Variants in METTL8 observed in about 807,000 individuals in gnomAD.
METTL8 encodes tRNA N(3)-cytidine methyltransferase METTL8, mitochondrial.
METTL8 carries 32 observed loss-of-function variants against 48.7 expected under a neutral mutation model. The observed-to-expected ratio is 0.66, with a 90% confidence interval of 0.50 to 0.88. The LOEUF is 0.88. METTL8 is among the 40% of genes least tolerant of loss of function. The pLI is 0.00. For synonymous variants in METTL8, 136 were observed against 157.1 expected, an observed-to-expected ratio of 0.87 and a Z score of 1.01; for missense variants, 464 against 474.4, an observed-to-expected ratio of 0.98 and a Z score of 0.20.
intron 3 of METTL8, among the ~76,000 whole-genome samples, chr2:171,352,657 G>T (rs1196766205): frequency 6.6e-6 from 1 of 152,130 alleles, no homozygotes; most frequent in African/African-American, 2.4e-5. Flanking sequence ...CCTGTTATTG[G>T]TCTATTCAGG....
intron 3 of METTL8, among the ~76,000 whole-genome samples, chr2:171,354,449 T>C (rs923344334): frequency 3.3e-5 from 5 of 152,214 alleles, no homozygotes; most frequent in Non-Finnish European, 7.3e-5. Flanking sequence ...GGAGTTGCTC[T>C]TCTCGAGGAG....
intron 3 of METTL8, among the ~76,000 whole-genome samples, chr2:171,357,371 ATTTAAAT>A (rs893643799): frequency 3.9e-5 from 6 of 152,228 alleles, no homozygotes; most frequent in African/African-American, 1.2e-4. Flanking sequence ...AATCAGTAGC[ATTTAAAT>A]ATGCCAACAG....
At chr2:171,401,861 A>G (rs1429324620) in intron 1 of METTL8, among the ~76,000 whole-genome samples, 1 of 152,178 alleles carries the variant, frequency 6.6e-6, no homozygotes, top group Non-Finnish European at 1.5e-5. Flanking sequence ...CTAGGTGAAA[A>G]AAGTAAATCC....
At position 171,322,580 on chromosome 2, in the gene METTL8, C is replaced by CA. The variant is rs75010858; in HGVS notation, c.*1591dup. On this transcript the variant is annotated 3_prime_UTR_variant, in exon 10 of 10. Transcript: ENST00000375258. ...TGAAACCCCGTCTCTACTAAAAATA[C>CA]AAAAAAAAAAAAAATTAGCTGGGCA... The CA allele has an allele frequency of 0.17, 22,730 of 133,672 alleles. 2,083 individuals carry two copies. The highest frequency in any genetic ancestry group is 0.28 in the Middle Eastern group (78 of 274). 8.3% of individuals were successfully genotyped at this position (133,672 alleles called of 1,614,324 possible). A position where few individuals can be genotyped will look rare whatever the true frequency, so the allele number is the denominator to read the frequency against.
rs528272186 is a variant in METTL8 at position 171,316,192 on chromosome 2, G to A, written c.*7980C>T. On this transcript the variant is annotated 3_prime_UTR_variant, in exon 10 of 10. Coordinates refer to ENST00000375258, the MANE Select transcript of METTL8 (RefSeq NM_001321154.2). ...GGAAAAGAAAATCTATGAGGAAAAC[G>A]TCAGCTTGCTTATCCAGGGAATGAG... Among the ~76,000 whole-genome samples, 4 of 152,292 alleles carry A rather than the reference G, an allele frequency of 2.6e-5. No homozygotes were observed. The highest frequency in any genetic ancestry group is 2.1e-4 in the South Asian group (1 of 4,828).
intron 2 of METTL8, among the ~76,000 whole-genome samples, chr2:171,389,848 T>C (rs529287611): frequency 1.3e-5 from 2 of 152,306 alleles, no homozygotes; most frequent in South Asian, 4.1e-4. Flanking sequence ...CATCGAGTTA[T>C]CCAGAAGATC....
intron 3 of METTL8, among the ~76,000 whole-genome samples, chr2:171,345,854 T>A (rs1687214479): frequency 6.6e-6 from 1 of 152,210 alleles, no homozygotes; most frequent in South Asian, 2.1e-4. Flanking sequence ...TATAATTATG[T>A]TAACTCAAAA....
In METTL8 at chr2:171,324,178, T is replaced by G; in HGVS notation, c.1218A>C (p.Gln406His). 1 of 1,547,882 alleles carries G rather than the reference T, an allele frequency of 6.5e-7. No individual in the cohort carries two copies. Among genetic ancestry groups the G allele is most frequent in the Non-Finnish European group, 8.7e-7 (1 of 1,145,410 alleles). The change falls in exon 10 of 10, where the codon CAA (glutamine) becomes CAC (histidine). Residue 406 changes from glutamine to histidine, a missense_variant. Gln to His is a conservative substitution (Grantham distance 24). Transcript: ENST00000375258. ...CCTTAACATGTTACAAAGTTCAGTC[T>G]TGTGAAAGGAGTGTAGATACCATAT... Reference protein sequence around the residue: ...SSNMVSTLLSQD With the variant: ...SSNMVSTLLSHD
At position 171,337,487 on chromosome 2, in the gene METTL8, C is replaced by T; in HGVS notation, c.622G>A (p.Gly208Arg). 1 of 1,605,742 alleles carries T rather than the reference C, an allele frequency of 6.2e-7. No homozygotes were observed. Among genetic ancestry groups the T allele is most frequent in the Non-Finnish European group, 8.5e-7 (1 of 1,176,066 alleles). The change falls in exon 5 of 10, where the codon GGA becomes AGA. Residue 208 changes from glycine (G) to arginine (R), a missense_variant. Transcript: ENST00000375258. ...TTCAAAATTGGAAACACACTATTTC[C>T]AGCTCCACAACCAACCTAAAATCAA... ...FRILEVGCGAGNSVFPILNTL... is the reference protein window; with the variant it reads ...FRILEVGCGARNSVFPILNTL...
At chr2:171,337,945 A>G (rs992907494) in intron 4 of METTL8, among the ~76,000 whole-genome samples, 1 of 152,226 alleles carries the variant, frequency 6.6e-6, no homozygotes, top group Non-Finnish European at 1.5e-5. Context: ...AACAAAGTGG[A>G]AAACATTAAA....
intron 1 of METTL8, among the ~76,000 whole-genome samples, chr2:171,418,848 G>A (rs1293876071): frequency 6.6e-6 from 1 of 152,078 alleles, no homozygotes; most frequent in Non-Finnish European, 1.5e-5. Context: ...CCAGCTACTT[G>A]GGAGGCTGAG....
At chr2:171,345,242 C>T (rs1199268479) in intron 3 of METTL8, among the ~76,000 whole-genome samples, 1 of 152,112 alleles carries the variant, frequency 6.6e-6, no homozygotes, top group Admixed American at 6.5e-5. Flanking sequence ...GCTAACCATC[C>T]TTAAATATTC....
At chr2:171,403,834 G>A (rs373168607) in intron 1 of METTL8, among the ~76,000 whole-genome samples, 4 of 151,572 alleles carry the variant, frequency 2.6e-5, no homozygotes, top group African/African-American at 7.3e-5. Context: ...GGAAAGTTAG[G>A]CAGAGGCCAG....
intron 2 of METTL8, among the ~76,000 whole-genome samples, chr2:171,364,889 A>C (rs1685558419): frequency 6.6e-6 from 1 of 152,250 alleles, no homozygotes; most frequent in Non-Finnish European, 1.5e-5. Context: ...TTGTTCTATA[A>C]GTCAATGATA....
chr2:171,325,640 G>GT (rs34772419), intron 9 of METTL8, among the ~76,000 whole-genome samples: 150,698 of 152,320 alleles, frequency 0.99, 74,571 homozygotes, highest in Middle Eastern at 1. Flanking sequence ...CTTTAAAGCA[G>GT]TTTAACTGGA....
chr2:171,361,646 T>C (rs1015468827), intron 2 of METTL8, among the ~76,000 whole-genome samples: 6 of 152,196 alleles, frequency 3.9e-5, no homozygotes, highest in Non-Finnish European at 7.3e-5. Flanking sequence ...CCACTTTGCA[T>C]AGTGGCTAAC....
At chr2:171,332,040 C>T (rs1685592464) in intron 5 of METTL8, 173 bp from the exon 6 acceptor site, 1 of 515,928 alleles carries the variant, frequency 1.9e-6, no homozygotes. Context: ...TGTGCCTCAC[C>T]ATGCCCAGCT....
rs942690896 is a variant in METTL8 at position 171,320,823 on chromosome 2, G to A, written c.*3349C>T. On this transcript the variant is annotated 3_prime_UTR_variant, in exon 10 of 10. Coordinates refer to ENST00000375258, the MANE Select transcript of METTL8 (RefSeq NM_001321154.2). ...CCTTTATGTGGTCTTCCTTGCCACTGATCTCTGACCTCACTCCATTCCATT... is the reference window on the plus strand; with the variant it reads ...CCTTTATGTGGTCTTCCTTGCCACTAATCTCTGACCTCACTCCATTCCATT... 1 of 152,202 alleles carries A rather than the reference G, an allele frequency of 6.6e-6. No homozygotes were observed. Among genetic ancestry groups the A allele is most frequent in the Non-Finnish European group, 1.5e-5 (1 of 68,030 alleles). 9.4% of individuals were successfully genotyped at this position (152,202 alleles called of 1,614,324 possible).
At chr2:171,421,405 T>A (rs764166712) in intron 1 of METTL8, among the ~76,000 whole-genome samples, 2 of 151,746 alleles carry the variant, frequency 1.3e-5, no homozygotes. Flanking sequence ...CACATGTGAA[T>A]AGCCACTGCA....
Sources: gnomAD v4.1 joint callset for allele counts (sites outside exome capture counted in the v4.1 genomes callset) on GRCh38, gnomAD v4.1.1 for gene constraint, MANE v1.5 for transcripts, NCBI Gene and HGNC (gene_info 2026-07-23, HGNC 2026-07-21) for gene names.